TIGD5: variants seen among roughly 807,000 people sequenced by gnomAD.
TIGD5 encodes the protein tigger transposable element derived 5, also known as tigger transposable element-derived protein 5.
A neutral mutation model predicts 28.8 loss-of-function variants in TIGD5; 24 were observed. That is an observed-to-expected ratio of 0.83 (90% CI 0.60 to 1.17). The LOEUF is 1.17. TIGD5 is among the 50% of genes most tolerant of loss of function. The pLI, the probability that TIGD5 is intolerant of heterozygous loss-of-function variation, is 0.00. For synonymous variants in TIGD5, 538 were observed against 430.5 expected, an observed-to-expected ratio of 1.25 and a Z score of -3.09; for missense variants, 922 against 911.4, an observed-to-expected ratio of 1.01 and a Z score of -0.15.
rs771330428 is a variant in TIGD5 at position 143,599,841 on chromosome 8, G to C, written c.*9G>C. 2.1e-6 allele frequency: 3 copies of C among 1,460,408 alleles called. No individual in the cohort carries two copies. The allele number at this position is 1,460,408 out of a possible 1,614,324, so 90.5% of individuals were successfully genotyped here. On this transcript the variant is annotated 3_prime_UTR_variant, in exon 1 of 1. Transcript: ENST00000504548. Reference sequence around the variant, plus strand: ...CCTATGACGGTGTGTGACCAGGCCAGCCCAGTGACCTTTCTCCTGCTGCAC... The same window carrying C: ...CCTATGACGGTGTGTGACCAGGCCACCCCAGTGACCTTTCTCCTGCTGCAC...
At position 143,598,719 on chromosome 8, in the gene TIGD5, C is replaced by CAAA. The variant is rs1829164692; in HGVS notation, c.816_817insAAA (p.Gly272_Asp273insLys). 1 of 1,512,302 alleles carries CAAA rather than the reference C, an allele frequency of 6.6e-7. No homozygotes were observed. The highest frequency in any genetic ancestry group is 1.4e-5 in the African/African-American group (1 of 70,980). 93.7% of individuals were successfully genotyped at this position (1,512,302 alleles called of 1,614,324 possible). A position where few individuals can be genotyped will look rare whatever the true frequency, so the allele number is the denominator to read the frequency against. ...GGGGCTGTGGCCGGCGCTGGCGGGGCGACCGCGTAACGGTGCTGCTGGCCG... is the reference window on the plus strand; with the variant it reads ...GGGGCTGTGGCCGGCGCTGGCGGGGCAAAGACCGCGTAACGGTGCTGCTGGCCG... On this transcript the variant is annotated inframe_insertion, in exon 1 of 1. Transcript: ENST00000504548. This position sits in a 1 kb window ranked among gnomAD's most constrained non-coding sequence, Gnocchi z 6.6.
In TIGD5 at chr8:143,599,883, TACAC is replaced by T. The variant is rs759350417; in HGVS notation, c.*55_*58del. 2.8e-6 allele frequency: 4 copies of T among 1,430,640 alleles called. No homozygotes were observed. In the East Asian group the frequency reaches 1.0e-4, roughly 37 times the overall value. The allele number at this position is 1,430,640 out of a possible 1,614,324, so 88.6% of individuals were successfully genotyped here. A position where few individuals can be genotyped will look rare whatever the true frequency, so the allele number is the denominator to read the frequency against. On this transcript the variant is annotated 3_prime_UTR_variant, in exon 1 of 1. Transcript: ENST00000504548. Reference sequence around the variant, plus strand: ...CTGCTGCACTTGGAGGGAGGGGACATACACACAGTCTCCCATCTCTCCTCCCCTC... The same window carrying T: ...CTGCTGCACTTGGAGGGAGGGGACATACAGTCTCCCATCTCTCCTCCCCTC...
chr8:143,598,155 G>A lies in TIGD5; in HGVS notation c.252G>A (p.Pro84=), dbSNP rs1426048790. 1 of 1,595,794 alleles carries A rather than the reference G, an allele frequency of 6.3e-7. No individual in the cohort carries two copies. The highest frequency in any genetic ancestry group is 1.7e-5 in the Admixed American group (1 of 58,646). The change falls in exon 1 of 1, where the codon CCG becomes CCA. Residue 84 remains proline, a synonymous_variant. Coordinates refer to ENST00000504548, the MANE Select transcript of TIGD5 (RefSeq NM_032862.5). This position sits in a 1 kb window ranked among gnomAD's most constrained non-coding sequence, Gnocchi z 6.6. ...GTGTGTGCCGCGACTTCGGCGTGCC[G>A]GGCGGGACGCTGCGCGGCTGGCTCA... ...QASVCRDFGV[P]GGTLRGWLKD... is the part of the protein sequence containing the mutation.
chr8:143,598,552 C>A lies in TIGD5; in HGVS notation c.649C>A (p.Pro217Thr). ...GCTGCCCTCCGGCGCCGGCCCCCTG[C>A]CCGACCGCGCCCCGGCCCCGCCGCC... ...PALPSGAGPLPDRAPAPPPPA... is the reference protein window; with the variant it reads ...PALPSGAGPLTDRAPAPPPPA... Residue 217 changes from proline (P) to threonine (T), a missense_variant, in exon 1 of 1, where the codon CCC (proline) becomes ACC (threonine). Pro to Thr is a conservative substitution (Grantham distance 38). Coordinates refer to ENST00000504548, the MANE Select transcript of TIGD5 (RefSeq NM_032862.5). The surrounding 1 kb of genome is among the most constrained non-coding windows in gnomAD (Gnocchi z 6.6). The A allele has an allele frequency of 3.1e-6, 4 of 1,311,142 alleles. No individual in the cohort carries two copies. The highest frequency in any genetic ancestry group is 3.9e-6 in the Non-Finnish European group (4 of 1,037,494). The allele number at this position is 1,311,142 out of a possible 1,614,324, so 81.2% of individuals were successfully genotyped here. A position where few individuals can be genotyped will look rare whatever the true frequency, so the allele number is the denominator to read the frequency against.
rs971103708 is a variant in TIGD5 at position 143,600,279 on chromosome 8, A to AT, written c.*456dup. On this transcript the variant is annotated 3_prime_UTR_variant, in exon 1 of 1. Coordinates refer to ENST00000504548, the MANE Select transcript of TIGD5 (RefSeq NM_032862.5). Reference sequence around the variant, plus strand: ...GTGGCGAAGCACACCACTTGATTCTATTTTTTTTTAACACATTAAATCTGT... The same window carrying AT: ...GTGGCGAAGCACACCACTTGATTCTATTTTTTTTTTAACACATTAAATCTGT... 283 of 171,526 alleles carry AT rather than the reference A, an allele frequency of 1.6e-3. No individual in the cohort carries two copies. The highest frequency in any genetic ancestry group is 5.0e-3 in the African/African-American group (210 of 42,112). 10.6% of individuals were successfully genotyped at this position (171,526 alleles called of 1,614,324 possible). A position where few individuals can be genotyped will look rare whatever the true frequency, so the allele number is the denominator to read the frequency against.
At position 143,599,701 on chromosome 8, in the gene TIGD5, C is replaced by A; in HGVS notation, c.1798C>A (p.Arg600=). Residue 600 remains arginine (R), a synonymous_variant, in exon 1 of 1, where the codon CGG becomes AGG. Coordinates refer to ENST00000504548, the MANE Select transcript of TIGD5 (RefSeq NM_032862.5). The part of the protein sequence containing the change: ...EAVRGLETAL[R]WLENQDPREV... ...CGTGCGGGGGCTAGAAACAGCTCTGCGGTGGCTGGAGAACCAGGACCCCAG... is the reference window on the plus strand; with the variant it reads ...CGTGCGGGGGCTAGAAACAGCTCTGAGGTGGCTGGAGAACCAGGACCCCAG... The A allele has an allele frequency of 6.6e-7, 1 of 1,512,438 alleles. No individual in the cohort carries two copies. Among genetic ancestry groups the A allele is most frequent in the Non-Finnish European group, 8.8e-7 (1 of 1,136,280 alleles). 93.7% of individuals were successfully genotyped at this position (1,512,438 alleles called of 1,614,324 possible).
chr8:143,601,204 C>G lies in TIGD5; in HGVS notation c.*1372C>G. 6.6e-6 allele frequency: 1 copy of G among 152,128 alleles called. No individual in the cohort carries two copies. The highest frequency in any genetic ancestry group is 1.9e-4 in the East Asian group (1 of 5,190). 9.4% of individuals were successfully genotyped at this position (152,128 alleles called of 1,614,324 possible). On this transcript the variant is annotated 3_prime_UTR_variant, in exon 1 of 1. Transcript: ENST00000504548. ...ACAAACAGTTCCTTGGAACTGCCCG[C>G]AAGTGAAGAAATATATACATATATA...
Position 143,597,895 on chromosome 8 carries a change from G to A in TIGD5, c.-9G>A. ...GACCCGCGCGGCCCGGGTCCCCCCC[G>A]CCGCAGCCATGTACCCCGCGGGCCC... On this transcript the variant is annotated 5_prime_UTR_variant, in exon 1 of 1. Coordinates refer to ENST00000504548, the MANE Select transcript of TIGD5 (RefSeq NM_032862.5). 6.0e-6 allele frequency: 5 copies of A among 830,416 alleles called. No individual in the cohort carries two copies. The highest frequency in any genetic ancestry group is 7.2e-6 in the Non-Finnish European group (5 of 695,910). 51.4% of individuals were successfully genotyped at this position (830,416 alleles called of 1,614,324 possible).
At position 143,599,177 on chromosome 8, in the gene TIGD5, T is replaced by C. The variant is rs1426413172; in HGVS notation, c.1274T>C (p.Phe425Ser). The C allele has an allele frequency of 1.2e-5, 19 of 1,610,122 alleles. No homozygotes were observed. The highest frequency in any genetic ancestry group is 1.6e-5 in the Non-Finnish European group (19 of 1,179,232). ...CTGGAGCAGGGCGTGGTGGCCGCCT[T>C]CAAACAGCTGTACAAGCGCGAGCTG... ...APLEQGVVAA[F>S]KQLYKRELLR... The change falls in exon 1 of 1, where the codon TTC (phenylalanine) becomes TCC (serine). Residue 425 changes from phenylalanine (F) to serine (S), a missense_variant. Transcript: ENST00000504548.
At position 143,602,406 on chromosome 8, in the gene TIGD5, C is replaced by T. The variant is rs1472570754; in HGVS notation, c.*2574C>T. On this transcript the variant is annotated 3_prime_UTR_variant, in exon 1 of 1. Transcript: ENST00000504548. ...GCCCTACCTGCAGCTCACTAACCCT[C>T]TCTGGGTTCTGCTCAGTGTCTGAAG... The T allele has an allele frequency of 6.6e-6, 1 of 152,298 alleles. No individual in the cohort carries two copies. The highest frequency in any genetic ancestry group is 2.4e-5 in the African/African-American group (1 of 41,472). 9.4% of individuals were successfully genotyped at this position (152,298 alleles called of 1,614,324 possible). A position where few individuals can be genotyped will look rare whatever the true frequency, so the allele number is the denominator to read the frequency against.
chr8:143,602,502 T>G lies in TIGD5; in HGVS notation c.*2670T>G, dbSNP rs1241078579. 4 of 152,252 alleles carry G rather than the reference T, an allele frequency of 2.6e-5. No individual in the cohort carries two copies. Among genetic ancestry groups the G allele is most frequent in the Non-Finnish European group, 4.4e-5 (3 of 68,040 alleles). 9.4% of individuals were successfully genotyped at this position (152,252 alleles called of 1,614,324 possible). ...TGGCAGAACCCTTTGGGAGGCCAAG[T>G]GTTCTTTCCCAAAGCTGCGCGGGTG... On this transcript the variant is annotated 3_prime_UTR_variant, in exon 1 of 1. Coordinates refer to ENST00000504548, the MANE Select transcript of TIGD5 (RefSeq NM_032862.5).
rs1020678140 is a variant in TIGD5 at position 143,603,159 on chromosome 8, C to T, written c.*3327C>T. The T allele has an allele frequency of 2.0e-5, 3 of 152,214 alleles. No individual in the cohort carries two copies. Among genetic ancestry groups the T allele is most frequent in the African/African-American group, 7.2e-5 (3 of 41,446 alleles). The allele number at this position is 152,214 out of a possible 1,614,324, so 9.4% of individuals were successfully genotyped here. On this transcript the variant is annotated 3_prime_UTR_variant, in exon 1 of 1. Transcript: ENST00000504548. ...ACTGGCGAGCTTGTTTACAGCTGAG[C>T]TCGCCTGGTCAGATGGGCCCAGTGG...
In TIGD5 at chr8:143,599,637, C is replaced by G; in HGVS notation, c.1734C>G (p.Thr578=). The G allele has an allele frequency of 2.0e-6, 3 of 1,524,244 alleles. No homozygotes were observed. The highest frequency in any genetic ancestry group is 2.6e-6 in the Non-Finnish European group (3 of 1,138,702). 94.4% of individuals were successfully genotyped at this position (1,524,244 alleles called of 1,614,324 possible). The change falls in exon 1 of 1, where the codon ACC becomes ACG. Residue 578 remains threonine (T), a synonymous_variant. Coordinates refer to ENST00000504548, the MANE Select transcript of TIGD5 (RefSeq NM_032862.5). The part of the protein sequence containing the change: ...MGGGEDEEEA[T]DYGGTSVPTA... ...GCGGAGAGGACGAGGAGGAGGCCAC[C>G]GACTATGGAGGGACCTCAGTGCCGA...
At position 143,597,886 on chromosome 8, in the gene TIGD5, G is replaced by T; in HGVS notation, c.-18G>T. On this transcript the variant is annotated 5_prime_UTR_variant, in exon 1 of 1. Transcript: ENST00000504548. Reference sequence around the variant, plus strand: ...GGCTCCCGCGACCCGCGCGGCCCGGGTCCCCCCCGCCGCAGCCATGTACCC... The same window carrying T: ...GGCTCCCGCGACCCGCGCGGCCCGGTTCCCCCCCGCCGCAGCCATGTACCC... 1 of 825,124 alleles carries T rather than the reference G, an allele frequency of 1.2e-6. No homozygotes were observed. The highest frequency in any genetic ancestry group is 1.5e-6 in the Non-Finnish European group (1 of 686,260). 51.1% of individuals were successfully genotyped at this position (825,124 alleles called of 1,614,324 possible).
Position 143,599,370 on chromosome 8 carries a change from C to G in TIGD5, c.1467C>G (p.Pro489=), listed in dbSNP as rs565242910. 221 of 1,573,222 alleles carry G rather than the reference C, an allele frequency of 1.4e-4. 1 individual carries two copies. The East Asian group carries it at 5.0e-3, about 36-fold the overall frequency. Reference sequence around the variant, plus strand: ...TGCGGGCTGCCTTCGAGCCCCGGCCCGGCGAGGACAGTGCTGGGCAGCCGG... The same window carrying G: ...TGCGGGCTGCCTTCGAGCCCCGGCCGGGCGAGGACAGTGCTGGGCAGCCGG... ...LGLRAAFEPR[P]GEDSAGQPAQ... Residue 489 remains proline (P), a synonymous_variant, in exon 1 of 1, where the codon CCC becomes CCG. Transcript: ENST00000504548.
In TIGD5 at chr8:143,601,719, C is replaced by T. The variant is rs934282386; in HGVS notation, c.*1887C>T. On this transcript the variant is annotated 3_prime_UTR_variant, in exon 1 of 1. Coordinates refer to ENST00000504548, the MANE Select transcript of TIGD5 (RefSeq NM_032862.5). ...TGGTGTCGGTGAGGGCAGGCCCGCT[C>T]CTCTCATCGGGGTGGCTGTGGCCTG... is the stretch of plus-strand genomic sequence containing the variant. 6.6e-6 allele frequency: 1 copy of T among 152,272 alleles called. No homozygotes were observed. Among genetic ancestry groups the T allele is most frequent in the Non-Finnish European group, 1.5e-5 (1 of 68,068 alleles). The allele number at this position is 152,272 out of a possible 1,614,324, so 9.4% of individuals were successfully genotyped here.
chr8:143,598,411 G>T lies in TIGD5; in HGVS notation c.508G>T (p.Gly170Cys). The T allele has an allele frequency of 6.6e-7, 1 of 1,520,080 alleles. No homozygotes were observed. Among genetic ancestry groups the T allele is most frequent in the Non-Finnish European group, 8.8e-7 (1 of 1,137,406 alleles). 94.2% of individuals were successfully genotyped at this position (1,520,080 alleles called of 1,614,324 possible). A position where few individuals can be genotyped will look rare whatever the true frequency, so the allele number is the denominator to read the frequency against. Residue 170 changes from glycine (G) to cysteine (C), a missense_variant, in exon 1 of 1, where the codon GGC (glycine) becomes TGC (cysteine). Gly to Cys is a radical substitution (Grantham distance 159). Coordinates refer to ENST00000504548, the MANE Select transcript of TIGD5 (RefSeq NM_032862.5). The surrounding 1 kb of genome is among the most constrained non-coding windows in gnomAD (Gnocchi z 6.6). The stretch of plus-strand genomic sequence containing the variant: ...CGAGTGCACCTTCAAGGCCAGCCAC[G>T]GCTGGTTCTGGCGCTGGCAGAAGCG... ...GPECTFKASH[G>C]WFWRWQKRHG...
rs1429739658 is a variant in TIGD5, at chr8:143,599,764, C to T, written c.1861C>T (p.Leu621Phe). The T allele has an allele frequency of 6.7e-7, 1 of 1,492,668 alleles. No individual in the cohort carries two copies. Among genetic ancestry groups the T allele is most frequent in the African/African-American group, 1.4e-5 (1 of 71,014 alleles). The allele number at this position is 1,492,668 out of a possible 1,614,324, so 92.5% of individuals were successfully genotyped here. A position where few individuals can be genotyped will look rare whatever the true frequency, so the allele number is the denominator to read the frequency against. Reference sequence around the variant, plus strand: ...ACTGAGGCTGGTGCAGTTGCGCTCACTCATCAGCATGGCCCGGAGGCTGGG... The same window carrying T: ...ACTGAGGCTGGTGCAGTTGCGCTCATTCATCAGCATGGCCCGGAGGCTGGG... ...GPLRLVQLRSLISMARRLGGI... is the reference protein window; with the variant it reads ...GPLRLVQLRSFISMARRLGGI... The change falls in exon 1 of 1, where the codon CTC (leucine) becomes TTC (phenylalanine). Residue 621 changes from leucine (L) to phenylalanine (F), a missense_variant. Coordinates refer to ENST00000504548, the MANE Select transcript of TIGD5 (RefSeq NM_032862.5).
rs1186197281 is a variant in TIGD5 at position 143,601,376 on chromosome 8, GC to G, written c.*1546del. On this transcript the variant is annotated 3_prime_UTR_variant, in exon 1 of 1. Coordinates refer to ENST00000504548, the MANE Select transcript of TIGD5 (RefSeq NM_032862.5). ...CAGGCCACCGCCACCTGCAGGAAGA[GC>G]CTCTGGCCTGAACTGCTGGGGATGG... 1 of 152,258 alleles carries G rather than the reference GC, an allele frequency of 6.6e-6. No individual in the cohort carries two copies. Among genetic ancestry groups the G allele is most frequent in the African/African-American group, 2.4e-5 (1 of 41,468 alleles). The allele number at this position is 152,258 out of a possible 1,614,324, so 9.4% of individuals were successfully genotyped here.
Sources: allele counts gnomAD v4.1 joint callset, GRCh38; gene constraint gnomAD v4.1.1; non-coding constraint Gnocchi (gnomAD v3.1); transcripts MANE v1.5; gene names NCBI Gene and HGNC (gene_info 2026-07-23, HGNC 2026-07-21).